LYN: variants seen among roughly 807,000 people sequenced by gnomAD.
LYN encodes the protein tyrosine-protein kinase Lyn.
LYN carries 12 observed loss-of-function variants against 65.0 expected under a neutral mutation model. The observed-to-expected ratio is 0.18, with a 90% CI of 0.12 to 0.30. The LOEUF is 0.30. Ranked by LOEUF, LYN falls within the 10% of genes least tolerant of loss-of-function variation. The pLI, the probability that LYN is intolerant of heterozygous loss-of-function variation, is 1.00. For synonymous variants in LYN, 222 were observed against 221.2 expected, an observed-to-expected ratio of 1.00 and a Z score of -0.03; for missense variants, 380 against 623.2, an observed-to-expected ratio of 0.61 and a Z score of 4.16.
At chr8:55,989,694 C>T (rs1434748660) in intron 10 of LYN, among the ~76,000 whole-genome samples, 2 of 152,186 alleles carry the variant, frequency 1.3e-5, no homozygotes, top group African/African-American at 4.8e-5. Flanking sequence ...CCATCTGAGA[C>T]AGGTCTCCAT....
intron 10 of LYN, among the ~76,000 whole-genome samples, chr8:55,988,291 G>GGTGTGTGTGTGTGTGTGTGTGT (rs57413136): frequency 7.0e-6 from 1 of 142,100 alleles, no homozygotes. Flanking sequence ...CAAACTCCCT[G>GGTGTGTGTGTGTGTGTGTGTGT]GTGTGTGTGT....
intron 1 of LYN, among the ~76,000 whole-genome samples, chr8:55,889,558 A>T (rs1475375443): frequency 6.6e-6 from 1 of 152,078 alleles, no homozygotes; most frequent in Non-Finnish European, 1.5e-5. Context: ...GGTTTGGGGG[A>T]ATACCAACAT....
intron 1 of LYN, among the ~76,000 whole-genome samples, chr8:55,932,176 T>C (rs1397422241): frequency 6.6e-6 from 1 of 152,102 alleles, no homozygotes; most frequent in Non-Finnish European, 1.5e-5. Context: ...ATCTCAAATG[T>C]AATAAAAGAT....
At chr8:55,903,321 T>A (rs1805330813) in intron 1 of LYN, among the ~76,000 whole-genome samples, 1 of 152,204 alleles carries the variant, frequency 6.6e-6, no homozygotes, top group Non-Finnish European at 1.5e-5. Flanking sequence ...GAAGTTGTCT[T>A]CATGGTGAGC....
intron 1 of LYN, among the ~76,000 whole-genome samples, chr8:55,884,584 T>C (rs1804738984): frequency 6.6e-6 from 1 of 151,978 alleles, no homozygotes; most frequent in African/African-American, 2.4e-5. Flanking sequence ...GCCTCCCTAG[T>C]AGCTGTGATT....
At chr8:55,911,098 T>TATATATATATACACACACACAC (rs1162508957) in intron 1 of LYN, among the ~76,000 whole-genome samples, 2 of 11,684 alleles carry the variant, frequency 1.7e-4, no homozygotes, top group Non-Finnish European at 1.7e-4. Flanking sequence ...TATATATATA[T>TATATATATATACACACACACAC]ACATACACGT....
At chr8:55,936,082 C>A (rs1463624897) in intron 1 of LYN, among the ~76,000 whole-genome samples, 3 of 152,178 alleles carry the variant, frequency 2.0e-5, no homozygotes, top group African/African-American at 7.2e-5. Context: ...CAAAGTAAAT[C>A]TCTTGAGTTA....
chr8:55,904,061 G>T (rs961055004), intron 1 of LYN, among the ~76,000 whole-genome samples: 3 of 151,816 alleles, frequency 2.0e-5, no homozygotes, highest in Admixed American at 1.3e-4. Flanking sequence ...ACATAAAGTA[G>T]AATTACTTTA....
intron 1 of LYN, among the ~76,000 whole-genome samples, chr8:55,906,100 G>C (rs75569658): frequency 0.022 from 3,349 of 152,328 alleles, 58 homozygotes; most frequent in East Asian, 0.089. Context: ...AGAGGGCTGG[G>C]ATGGTGAGGT....
chr8:55,909,798 A>G (rs1200580405), intron 1 of LYN, among the ~76,000 whole-genome samples: 1 of 152,202 alleles, frequency 6.6e-6, no homozygotes, highest in Non-Finnish European at 1.5e-5. Flanking sequence ...AATAATAGCC[A>G]TTCTGAGTGG....
intron 6 of LYN, among the ~76,000 whole-genome samples, chr8:55,951,728 TA>T (rs1322708610): frequency 6.6e-6 from 1 of 151,836 alleles, no homozygotes; most frequent in African/African-American, 2.4e-5. Context: ...ATAATAATTT[TA>T]AAAAAATTAT....
intron 1 of LYN, among the ~76,000 whole-genome samples, chr8:55,897,096 C>T (rs1387416883): frequency 6.6e-6 from 1 of 152,112 alleles, no homozygotes; most frequent in Non-Finnish European, 1.5e-5. Context: ...GGTTGGAGAA[C>T]GATGTTACTC....
chr8:55,939,621 G>T (rs540724360), intron 1 of LYN, among the ~76,000 whole-genome samples: 93 of 152,324 alleles, frequency 6.1e-4, no homozygotes, highest in African/African-American at 2.1e-3. Flanking sequence ...GGATCGAGCG[G>T]CCCGGTGCGC....
chr8:55,907,427 A>G (rs1477891168), intron 1 of LYN, among the ~76,000 whole-genome samples: 1 of 152,328 alleles, frequency 6.6e-6, no homozygotes, highest in African/African-American at 2.4e-5. Context: ...GATGCCTTAG[A>G]AAGGAGCACC....
chr8:56,004,877 T>C (rs1808631440), intron 12 of LYN, among the ~76,000 whole-genome samples: 1 of 152,032 alleles, frequency 6.6e-6, no homozygotes, highest in Non-Finnish European at 1.5e-5. Flanking sequence ...CTTTAATTCC[T>C]GGGCTCAAGT....
intron 1 of LYN, among the ~76,000 whole-genome samples, chr8:55,900,418 G>C (rs1243952835): frequency 6.6e-6 from 1 of 151,902 alleles, no homozygotes; most frequent in African/African-American, 2.4e-5. Flanking sequence ...TGTTGCCCAG[G>C]CTGAAGTACA....
chr8:56,001,243 G>A (rs73679621), intron 12 of LYN, among the ~76,000 whole-genome samples: 2,527 of 151,804 alleles, frequency 0.017, 62 homozygotes, highest in African/African-American at 0.05. Flanking sequence ...TGGATGGATG[G>A]GTGAATGAAT....
chr8:55,931,074 C>A (rs1040820551), intron 1 of LYN, among the ~76,000 whole-genome samples: 1 of 147,496 alleles, frequency 6.8e-6, no homozygotes, highest in African/African-American at 2.5e-5. Flanking sequence ...TATACATATA[C>A]GTGTGTGTAT....
At chr8:55,992,562 A>T (rs1322406480) in intron 10 of LYN, among the ~76,000 whole-genome samples, 4 of 152,190 alleles carry the variant, frequency 2.6e-5, no homozygotes, top group Non-Finnish European at 5.9e-5. Context: ...TGTTAAGCTG[A>T]GTTGCATCTG....
Sources: gnomAD v4.1 joint callset for allele counts (sites outside exome capture counted in the v4.1 genomes callset) on GRCh38, gnomAD v4.1.1 for gene constraint, MANE v1.5 for transcripts, NCBI Gene and HGNC (gene_info 2026-07-23, HGNC 2026-07-21) for gene names.